Variants in IGF1 observed in about 807,000 individuals in gnomAD.
IGF1 encodes insulin like growth factor 1.
A neutral mutation model predicts 13.8 loss-of-function variants in IGF1; 4 were observed. That is an observed-to-expected ratio of 0.29 (90% CI 0.14 to 0.66). The LOEUF is 0.66. IGF1 is among the 30% of genes least tolerant of loss of function. The probability of loss-of-function intolerance (pLI) is 0.78; values close to 1 mark genes in which losing one functional copy is unlikely to be tolerated. For missense variants in IGF1, 124 were observed against 188.5 expected (o/e 0.66, Z 2.00); for synonymous variants, 76 against 72.6 (o/e 1.05, Z -0.23).
intron 2 of IGF1, among the ~76,000 whole-genome samples, chr12:102,421,064 T>A (rs1875670006): frequency 6.6e-6 from 1 of 152,222 alleles, no homozygotes; most frequent in Admixed American, 6.5e-5. Flanking sequence ...GCTGCCTCCC[T>A]GCTGGAAGGG....
At chr12:102,417,439 T>G in intron 3 of IGF1, 1 of 606,936 alleles carries the variant, frequency 1.6e-6, no homozygotes. Flanking sequence ...ACATAGGCAA[T>G]TCTTCCATAA....
intron 2 of IGF1, among the ~76,000 whole-genome samples, chr12:102,428,236 G>GTATGTATATATATATATATA (rs1555241571): frequency 1.4e-5 from 1 of 69,480 alleles, no homozygotes; most frequent in African/African-American, 4.3e-5. Flanking sequence ...TCAATAATGT[G>GTATGTATATATATATATATA]TATATATATA....
chr12:102,459,699 A>G (rs560708799), intron 2 of IGF1, among the ~76,000 whole-genome samples: 3 of 152,128 alleles, frequency 2.0e-5, no homozygotes, highest in African/African-American at 7.2e-5. Context: ...CCCTTTGATG[A>G]TGTCTAAATT....
At chr12:102,427,655 G>C (rs1301951095) in intron 2 of IGF1, among the ~76,000 whole-genome samples, 1 of 152,106 alleles carries the variant, frequency 6.6e-6, no homozygotes, top group Admixed American at 6.5e-5. Flanking sequence ...AGGGCAGTCT[G>C]GCGTGTCTGG....
At chr12:102,428,048 A>G (rs1448988510) in intron 2 of IGF1, among the ~76,000 whole-genome samples, 2 of 151,642 alleles carry the variant, frequency 1.3e-5, no homozygotes, top group Non-Finnish European at 2.9e-5. Context: ...GCAATATGGT[A>G]TATTGAAAAC....
intron 2 of IGF1, among the ~76,000 whole-genome samples, chr12:102,434,905 G>A (rs965085520): frequency 6.6e-6 from 1 of 152,046 alleles, no homozygotes; most frequent in African/African-American, 2.4e-5. Context: ...CAGTGATGAT[G>A]AGCATTTTTT....
At chr12:102,463,041 A>G (rs182903556) in intron 2 of IGF1, 3 of 152,338 alleles carry the variant, frequency 2.0e-5, no homozygotes, top group Non-Finnish European at 2.9e-5. Flanking sequence ...CCCTTTGACC[A>G]TATTAGATAA....
chr12:102,443,784 C>G (rs959887620), intron 2 of IGF1, among the ~76,000 whole-genome samples: 3 of 152,012 alleles, frequency 2.0e-5, no homozygotes, highest in African/African-American at 7.2e-5. Context: ...AGGCAAAAAA[C>G]AGGCAACCTT....
At chr12:102,406,032 A>T (rs1169441226) in intron 3 of IGF1, among the ~76,000 whole-genome samples, 4 of 152,226 alleles carry the variant, frequency 2.6e-5, no homozygotes, top group Non-Finnish European at 5.9e-5. Flanking sequence ...CAGCAAAGCC[A>T]TGGGCTGAAA....
At chr12:102,454,466 C>T (rs1879217550) in intron 2 of IGF1, among the ~76,000 whole-genome samples, 1 of 152,196 alleles carries the variant, frequency 6.6e-6, no homozygotes, top group African/African-American at 2.4e-5. Context: ...TGAAAGATAA[C>T]AGCAATACAG....
chr12:102,428,598 TG>T (rs781634962), intron 2 of IGF1, among the ~76,000 whole-genome samples: 8 of 152,144 alleles, frequency 5.3e-5, no homozygotes, highest in Non-Finnish European at 1.0e-4. Flanking sequence ...CTCACTTCTG[TG>T]GGCACTCAGA....
intron 2 of IGF1, among the ~76,000 whole-genome samples, chr12:102,454,603 A>G (rs1879231890): frequency 6.6e-6 from 1 of 152,216 alleles, no homozygotes; most frequent in Admixed American, 6.5e-5. Flanking sequence ...GAAGCTCCCA[A>G]GAATATTTAG....
At position 102,400,692 on chromosome 12, in the gene IGF1, A is replaced by G. The variant is rs1873613635; in HGVS notation, c.*1815T>C. 6.6e-6 allele frequency: 1 copy of G among 152,138 alleles called. No individual in the cohort carries two copies. The highest frequency in any genetic ancestry group is 2.1e-4 in the South Asian group (1 of 4,822). 9.4% of individuals were successfully genotyped at this position (152,138 alleles called of 1,614,324 possible). A position where few individuals can be genotyped will look rare whatever the true frequency, so the allele number is the denominator to read the frequency against. ...TATATTGCCTAGAAAAGAAGGAATC[A>G]TTGTGTTTTTCAAAATGAATAGAAT... On this transcript the variant is annotated 3_prime_UTR_variant, in exon 4 of 4. Coordinates refer to ENST00000337514, the MANE Select transcript of IGF1 (RefSeq NM_000618.5).
At chr12:102,411,124 A>G (rs1018366265) in intron 3 of IGF1, among the ~76,000 whole-genome samples, 1 of 152,258 alleles carries the variant, frequency 6.6e-6, no homozygotes, top group Non-Finnish European at 1.5e-5. Flanking sequence ...AGAGCATTCA[A>G]TAGTGACCTA....
At chr12:102,470,382 G>A (rs1880609688) in intron 2 of IGF1, among the ~76,000 whole-genome samples, 1 of 152,148 alleles carries the variant, frequency 6.6e-6, no homozygotes, top group Non-Finnish European at 1.5e-5. Flanking sequence ...AAGGGCATTA[G>A]CATGTCAGAA....
intron 2 of IGF1, among the ~76,000 whole-genome samples, chr12:102,430,410 G>T (rs1487816815): frequency 6.6e-6 from 1 of 152,120 alleles, no homozygotes; most frequent in African/African-American, 2.4e-5. Flanking sequence ...TTATATAAAA[G>T]CTACATTTAG....
intron 2 of IGF1, among the ~76,000 whole-genome samples, chr12:102,468,985 T>C (rs577086481): frequency 6.6e-6 from 1 of 152,326 alleles, no homozygotes; most frequent in East Asian, 1.9e-4. Flanking sequence ...ACACAAGATG[T>C]CTGGTCAAAG....
chr12:102,456,314 G>C (rs879525939), intron 2 of IGF1, among the ~76,000 whole-genome samples: 1 of 145,634 alleles, frequency 6.9e-6, no homozygotes, highest in Non-Finnish European at 1.5e-5. Flanking sequence ...ATGAACAAAC[G>C]CACTTCAAAG....
chr12:102,411,304 T>C (rs1043626987), intron 3 of IGF1, among the ~76,000 whole-genome samples: 1 of 152,210 alleles, frequency 6.6e-6, no homozygotes, highest in Non-Finnish European at 1.5e-5. Context: ...TGTCGGCTGA[T>C]TGAGAACCTT....
Sources: allele counts gnomAD v4.1 joint callset (sites outside exome capture counted in the v4.1 genomes callset), GRCh38; gene constraint gnomAD v4.1.1; transcripts MANE v1.5; gene names NCBI Gene and HGNC (gene_info 2026-07-23, HGNC 2026-07-21).